The following UTRN variants were observed in gnomAD, a reference collection of about 807,000 sequenced individuals.
The protein encoded by UTRN is dystrophin-related protein 1.
A neutral mutation model predicts 463.9 loss-of-function variants in UTRN; 283 were observed. The observed-to-expected ratio is 0.61, with a 90% CI of 0.55 to 0.67. The LOEUF is 0.67. Ranked by LOEUF, UTRN falls within the 30% of genes least tolerant of loss-of-function variation. The pLI is 0.00. For synonymous variants in UTRN, 1,442 were observed against 1,431.5 expected (o/e 1.01, Z -0.17); for missense variants, 3,922 against 4,084.3 (o/e 0.96, Z 1.08).
intron 61 of UTRN, among the ~76,000 whole-genome samples, chr6:144,783,047 T>C (rs907343280): frequency 6.6e-6 from 1 of 151,920 alleles, no homozygotes; most frequent in Non-Finnish European, 1.5e-5. Flanking sequence ...AATACAAAAA[T>C]TAGCCAGGCA....
At chr6:144,415,726 G>A (rs561587475) in intron 3 of UTRN, among the ~76,000 whole-genome samples, 1 of 152,292 alleles carries the variant, frequency 6.6e-6, no homozygotes, top group South Asian at 2.1e-4. Context: ...TTGACACAAT[G>A]TGGTCTGCAC....
chr6:144,749,826 T>G (rs1791189573), intron 55 of UTRN, among the ~76,000 whole-genome samples: 1 of 152,182 alleles, frequency 6.6e-6, no homozygotes, highest in Admixed American at 6.5e-5. Context: ...TTCCAAAAGA[T>G]TTTTAAAGCC....
Position 144,485,537 on chromosome 6 carries a change from C to G in UTRN, c.3822+18C>G, listed in dbSNP as rs1792350100. On this transcript the variant is annotated intron_variant, in intron 28 of 74. Transcript: ENST00000367545. Reference sequence around the variant, plus strand: ...CCCTGGAGGTTGGAACCCGTGATCTCCACGGCATTTCTCTTTGCTGTGATG... The same window carrying G: ...CCCTGGAGGTTGGAACCCGTGATCTGCACGGCATTTCTCTTTGCTGTGATG... The G allele has an allele frequency of 6.2e-7, 1 of 1,611,098 alleles. No individual in the cohort carries two copies. The highest frequency in any genetic ancestry group is 1.7e-5 in the Admixed American group (1 of 59,788).
chr6:144,754,061 T>C (rs1791701717), intron 56 of UTRN, among the ~76,000 whole-genome samples: 1 of 152,160 alleles, frequency 6.6e-6, no homozygotes, highest in African/African-American at 2.4e-5. Flanking sequence ...CCTCACTCAC[T>C]CTATCCTTCT....
intron 2 of UTRN, among the ~76,000 whole-genome samples, chr6:144,397,028 G>A (rs1257104579): frequency 4.6e-5 from 7 of 152,046 alleles, no homozygotes; most frequent in African/African-American, 7.2e-5. Context: ...GGTGGATCAC[G>A]AGGTCAGGAG....
chr6:144,482,657 A>C (rs965771209), intron 27 of UTRN, among the ~76,000 whole-genome samples: 2 of 152,138 alleles, frequency 1.3e-5, no homozygotes, highest in African/African-American at 4.8e-5. Flanking sequence ...TTGTATATTC[A>C]AACTTTACTT....
intron 66 of UTRN, among the ~76,000 whole-genome samples, chr6:144,826,729 G>A (rs999288984): frequency 6.6e-6 from 1 of 152,074 alleles, no homozygotes; most frequent in Non-Finnish European, 1.5e-5. Context: ...ATGATCTCAG[G>A]AAGTTGCCTT....
At chr6:144,799,777 T>G (rs531179527) in intron 64 of UTRN, among the ~76,000 whole-genome samples, 19 of 152,340 alleles carry the variant, frequency 1.2e-4, no homozygotes, top group African/African-American at 4.6e-4. Flanking sequence ...GACTCCAAGA[T>G]TAGTCAACTT....
chr6:144,824,601 TATATATA>T lies in UTRN; in HGVS notation c.9495-2746_9495-2740del, dbSNP rs1562954965. On this transcript the variant is annotated intron_variant, in intron 66 of 74. Coordinates refer to ENST00000367545, the MANE Select transcript of UTRN (RefSeq NM_007124.3). The stretch of plus-strand genomic sequence containing the variant: ...ATATATATATATATATATATATATA[TATATATA>T]TATATCTTTTTTTTTTTTTTTTTTT... Among the ~76,000 whole-genome samples, 32 of 59,248 alleles carry T rather than the reference TATATATA, an allele frequency of 5.4e-4. 2 individuals carry two copies. Among genetic ancestry groups the T allele is most frequent in the African/African-American group, 2.8e-3 (28 of 10,038 alleles). The allele number at this position is 59,248 out of a possible 152,430, so 38.9% of individuals were successfully genotyped here.
chr6:144,656,116 T>G (rs1476267837), intron 51 of UTRN, among the ~76,000 whole-genome samples: 1 of 152,200 alleles, frequency 6.6e-6, no homozygotes, highest in African/African-American at 2.4e-5. Flanking sequence ...GGTTATTCAG[T>G]GTTGATCTGA....
At chr6:144,288,479 A>C (rs187951737) in intron 1 of UTRN, among the ~76,000 whole-genome samples, 2 of 152,188 alleles carry the variant, frequency 1.3e-5, no homozygotes, top group East Asian at 3.9e-4. Flanking sequence ...CTTTCCAGGA[A>C]AGAGAATTTT....
chr6:144,552,887 CATT>C (rs1481729023), intron 48 of UTRN, among the ~76,000 whole-genome samples: 7 of 152,140 alleles, frequency 4.6e-5, no homozygotes, highest in African/African-American at 1.7e-4. Context: ...GACAAGAGAA[CATT>C]ATGATAGATT....
intron 54 of UTRN, among the ~76,000 whole-genome samples, chr6:144,736,354 A>G (rs1379249565): frequency 1.3e-5 from 2 of 152,216 alleles, no homozygotes; most frequent in African/African-American, 4.8e-5. Flanking sequence ...GATGTGTACC[A>G]TGCTATAAGG....
chr6:144,684,935 C>T (rs772934033), intron 52 of UTRN, among the ~76,000 whole-genome samples: 6 of 152,232 alleles, frequency 3.9e-5, no homozygotes, highest in Non-Finnish European at 7.4e-5. Context: ...AATTGTATAG[C>T]GGTGAAGTCT....
At chr6:144,440,317 T>C (rs1268112401) in intron 12 of UTRN, 35 bp from the exon 13 acceptor site, 1 of 1,612,114 alleles carries the variant, frequency 6.2e-7, no homozygotes, top group South Asian at 1.1e-5. Flanking sequence ...AATGTGAAAG[T>C]AGAAATAATG....
intron 52 of UTRN, among the ~76,000 whole-genome samples, chr6:144,687,138 G>A (rs1782855823): frequency 6.6e-6 from 1 of 152,088 alleles, no homozygotes; most frequent in East Asian, 1.9e-4. Flanking sequence ...CTTGGTTTTG[G>A]TGAGTTATCT....
At chr6:144,691,312 T>G (rs896646092) in intron 52 of UTRN, among the ~76,000 whole-genome samples, 6 of 152,210 alleles carry the variant, frequency 3.9e-5, no homozygotes, top group African/African-American at 9.7e-5. Flanking sequence ...AGACAAGGTT[T>G]CGCCATATTG....
intron 58 of UTRN, among the ~76,000 whole-genome samples, chr6:144,759,869 A>AT (rs1181680587): frequency 2.0e-5 from 3 of 152,178 alleles, no homozygotes; most frequent in Admixed American, 6.6e-5. Context: ...GCAATAGAAA[A>AT]TTAATGCATG....
intron 43 of UTRN, among the ~76,000 whole-genome samples, chr6:144,536,995 A>G (rs1797595744): frequency 6.6e-6 from 1 of 152,004 alleles, no homozygotes; most frequent in South Asian, 2.1e-4. Context: ...ACAGTGCTCT[A>G]TTCAAATATA....
Sources: gnomAD v4.1 joint callset for allele counts (sites outside exome capture counted in the v4.1 genomes callset) on GRCh38, gnomAD v4.1.1 for gene constraint, MANE v1.5 for transcripts, NCBI Gene and HGNC (gene_info 2026-07-23, HGNC 2026-07-21) for gene names.